The following DENND1B variants were observed in gnomAD, a reference collection of about 807,000 sequenced individuals.
The protein encoded by DENND1B is DENN domain containing 1B.
In DENND1B, 59 loss-of-function variants were observed where a neutral mutation model predicts 90.1. The observed-to-expected ratio is 0.65, with a 90% CI of 0.53 to 0.81. The LOEUF is 0.81. Ranked by LOEUF, DENND1B falls within the 40% of genes least tolerant of loss-of-function variation. The pLI is 0.00. For missense variants in DENND1B, 862 were observed against 912.6 expected, an observed-to-expected ratio of 0.94 and a Z score of 0.71; for synonymous variants, 337 against 324.6, an observed-to-expected ratio of 1.04 and a Z score of -0.41.
Position 197,594,736 on chromosome 1 carries a change from T to G in DENND1B, c.1047+472A>C, listed in dbSNP as rs189206119. ...ATATGCTAAAGAGATAAACCCACCT[T>G]AGCAAAGGGTCATGAATTAGGAAGA... is the stretch of plus-strand genomic sequence containing the variant. On this transcript the variant is annotated intron_variant, in intron 14 of 22. Transcript: ENST00000620048. Among the ~76,000 whole-genome samples the G allele has an allele frequency of 3.7e-3, 556 of 152,230 alleles. 2 individuals are homozygous for G. The highest frequency in any genetic ancestry group is 0.013 in the African/African-American group (521 of 41,566).
intron 5 of DENND1B, among the ~76,000 whole-genome samples, chr1:197,668,009 C>CT (rs1655117845): frequency 6.6e-6 from 1 of 152,020 alleles, no homozygotes; most frequent in South Asian, 2.1e-4. Context: ...TCCTTTTAGA[C>CT]TTTTTTATAA....
rs1025559105 is a variant in DENND1B at position 197,539,883 on chromosome 1, A to T, written c.1515+81T>A. On this transcript the variant is annotated intron_variant, in intron 20 of 22. Coordinates refer to ENST00000620048, the MANE Select transcript of DENND1B (RefSeq NM_001195215.2). The stretch of plus-strand genomic sequence containing the variant: ...TTCATATAAGATAAAAAATTAGTGG[A>T]TCCAAATTGTTCCTAAATAATTTAC... 9 of 1,180,994 alleles carry T rather than the reference A, an allele frequency of 7.6e-6. No individual in the cohort carries two copies. The African/African-American group carries it at 1.2e-4, about 16-fold the overall frequency. 73.2% of individuals were successfully genotyped at this position (1,180,994 alleles called of 1,614,324 possible). A position where few individuals can be genotyped will look rare whatever the true frequency, so the allele number is the denominator to read the frequency against.
chr1:197,765,147 A>T (rs1655547432), intron 2 of DENND1B, among the ~76,000 whole-genome samples: 1 of 152,222 alleles, frequency 6.6e-6, no homozygotes, highest in South Asian at 2.1e-4. Context: ...TCAAGTCAGG[A>T]TCACCTTTTA....
At chr1:197,650,854 G>A (rs1232586957) in intron 7 of DENND1B, among the ~76,000 whole-genome samples, 1 of 152,088 alleles carries the variant, frequency 6.6e-6, no homozygotes, top group East Asian at 1.9e-4. Flanking sequence ...AATGGACTTT[G>A]GAGACTTGGG....
chr1:197,606,485 G>A (rs1030479452), intron 13 of DENND1B: 1 of 151,240 alleles, frequency 6.6e-6, no homozygotes, highest in Non-Finnish European at 1.5e-5. Context: ...CATTCTTGCA[G>A]CCCTCAGCAG....
chr1:197,655,535 T>C (rs1414782870), intron 6 of DENND1B, among the ~76,000 whole-genome samples: 1 of 151,050 alleles, frequency 6.6e-6, no homozygotes, highest in Non-Finnish European at 1.5e-5. Flanking sequence ...ACATTAACTT[T>C]TTTTTTTTTT....
chr1:197,778,920 T>A (rs1341341865), upstream of DENND1B, among the ~76,000 whole-genome samples: 1 of 152,154 alleles, frequency 6.6e-6, no homozygotes. Flanking sequence ...TTTAACTGAT[T>A]AAAGCCAGAG....
At chr1:197,665,178 T>G (rs373672009) in intron 5 of DENND1B, among the ~76,000 whole-genome samples, 48 of 152,242 alleles carry the variant, frequency 3.2e-4, no homozygotes, top group African/African-American at 1.1e-3. Context: ...TCTAATTTTT[T>G]TTCTGAAAGG....
intron 2 of DENND1B, among the ~76,000 whole-genome samples, chr1:197,736,432 T>A (rs1277727582): frequency 6.6e-6 from 1 of 152,062 alleles, no homozygotes; most frequent in Non-Finnish European, 1.5e-5. Context: ...TACTGCAGCC[T>A]CAGTTGAGGC....
intron 15 of DENND1B, among the ~76,000 whole-genome samples, chr1:197,577,645 G>A (rs1673804081): frequency 6.6e-6 from 1 of 152,186 alleles, no homozygotes; most frequent in Non-Finnish European, 1.5e-5. Context: ...ATAAAAGTAA[G>A]AGACCTGAAA....
Position 197,626,714 on chromosome 1 carries a change from C to A in DENND1B, c.673-8955G>T, listed in dbSNP as rs191320488. ...AAGGAAATAGAGACACAAAAAAAAC[C>A]CTTCAAAAAATTAATGAATCCAGGA... On this transcript the variant is annotated intron_variant, in intron 10 of 22. Coordinates refer to ENST00000620048, the MANE Select transcript of DENND1B (RefSeq NM_001195215.2). 2.0e-3 allele frequency among the ~76,000 whole-genome samples: 309 copies of A among 151,758 alleles called. 1 individual carries two copies. The highest frequency in any genetic ancestry group is 7.3e-3 in the African/African-American group (302 of 41,402).
At chr1:197,733,960 A>G (rs1022886219) in intron 2 of DENND1B, 3 of 451,210 alleles carry the variant, frequency 6.6e-6, no homozygotes, top group Non-Finnish European at 5.8e-6. Flanking sequence ...ATGATATTCT[A>G]ATCTCTTGCA....
At chr1:197,730,883 T>C (rs1214217914) in intron 2 of DENND1B, among the ~76,000 whole-genome samples, 1 of 152,062 alleles carries the variant, frequency 6.6e-6, no homozygotes, top group Non-Finnish European at 1.5e-5. Flanking sequence ...TATATATGTA[T>C]ATTATTTGAC....
At chr1:197,556,834 C>G (rs922963581) in intron 15 of DENND1B, among the ~76,000 whole-genome samples, 8 of 151,950 alleles carry the variant, frequency 5.3e-5, no homozygotes, top group Non-Finnish European at 1.2e-4. Flanking sequence ...TTCCCCAGTA[C>G]CACCACCTTT....
At chr1:197,673,123 TGG>T (rs1219455686) in intron 4 of DENND1B, among the ~76,000 whole-genome samples, 1 of 152,022 alleles carries the variant, frequency 6.6e-6, no homozygotes, top group Non-Finnish European at 1.5e-5. Flanking sequence ...CACTTTTCAG[TGG>T]ATAGGTTTTT....
chr1:197,628,649 T>A (rs889772401), intron 10 of DENND1B, among the ~76,000 whole-genome samples: 1 of 152,014 alleles, frequency 6.6e-6, no homozygotes, highest in Non-Finnish European at 1.5e-5. Context: ...CCAAAAGCAA[T>A]GGCAACAAAA....
intron 10 of DENND1B, among the ~76,000 whole-genome samples, chr1:197,632,073 G>A (rs1417234205): frequency 6.6e-6 from 1 of 152,022 alleles, no homozygotes; most frequent in Non-Finnish European, 1.5e-5. Flanking sequence ...CACTGTTCTA[G>A]TTCAGGAGCT....
chr1:197,581,544 A>G (rs546992027), intron 15 of DENND1B, among the ~76,000 whole-genome samples: 1 of 152,314 alleles, frequency 6.6e-6, no homozygotes, highest in Admixed American at 6.5e-5. Flanking sequence ...CATAAACCTT[A>G]TAATAATCCT....
At chr1:197,555,752 G>A (rs1418233329) in intron 15 of DENND1B, among the ~76,000 whole-genome samples, 3 of 152,004 alleles carry the variant, frequency 2.0e-5, no homozygotes, top group African/African-American at 7.2e-5. Flanking sequence ...ATACACTGTC[G>A]GTGAGAGTGC....
Sources: gnomAD v4.1 joint callset for allele counts (sites outside exome capture counted in the v4.1 genomes callset) on GRCh38, gnomAD v4.1.1 for gene constraint, MANE v1.5 for transcripts, NCBI Gene and HGNC (gene_info 2026-07-23, HGNC 2026-07-21) for gene names.